Variants in TSGA13 observed in about 807,000 individuals in gnomAD.
TSGA13 encodes the protein testis specific 13, also known as testis-specific gene 13 protein.
TSGA13 carries 37 observed loss-of-function variants against 35.1 expected under a neutral mutation model. The observed-to-expected ratio is 1.05, with a 90% CI of 0.81 to 1.39. The LOEUF (loss-of-function observed/expected upper bound fraction) is 1.39, where lower values mean the gene tolerates loss of function less well. TSGA13 is among the 40% of genes most tolerant of loss of function. The probability of loss-of-function intolerance (pLI) is 0.00; values close to 1 mark genes in which losing one functional copy is unlikely to be tolerated. For synonymous variants in TSGA13, 124 were observed against 121.2 expected (o/e 1.02, Z -0.15); for missense variants, 338 against 328.5 (o/e 1.03, Z -0.22).
At position 130,668,918 on chromosome 7, in the gene TSGA13, G is replaced by T. The variant is rs1161964481; in HGVS notation, c.*96C>A. 4 of 1,497,042 alleles carry T rather than the reference G, an allele frequency of 2.7e-6. No individual in the cohort carries two copies. The highest frequency in any genetic ancestry group is 2.2e-5 in the Admixed American group (1 of 45,830). The allele number at this position is 1,497,042 out of a possible 1,614,324, so 92.7% of individuals were successfully genotyped here. On this transcript the variant is annotated 3_prime_UTR_variant, in exon 8 of 8. Coordinates refer to ENST00000356588, the MANE Select transcript of TSGA13 (RefSeq NM_052933.4). ...CCCGGCTTGCGACCCGGGAGCCCAC[G>T]CCCGCAGCAGCAGGAATGTGGTTTT... is the stretch of plus-strand genomic sequence containing the variant.
At chr7:130,682,592 A>G (rs1259511531) in intron 3 of TSGA13, among the ~76,000 whole-genome samples, 7 of 152,190 alleles carry the variant, frequency 4.6e-5, no homozygotes, top group African/African-American at 1.7e-4. Flanking sequence ...AGGAGGCAGT[A>G]TGGTAAGGTG....
chr7:130,681,169 T>C, intron 3 of TSGA13, 152 bp from the exon 4 acceptor site: 1 of 632,156 alleles, frequency 1.6e-6, no homozygotes, highest in Non-Finnish European at 2.7e-6. Flanking sequence ...TCAGATTTTG[T>C]ACTCTAGGTT....
At chr7:130,671,617 A>G in intron 7 of TSGA13, 44 bp downstream of exon 7, 1 of 1,519,764 alleles carries the variant, frequency 6.6e-7, no homozygotes, top group Non-Finnish European at 8.9e-7. Flanking sequence ...CTCCAGCCCA[A>G]ATCTCAGTCC....
At chr7:130,684,073 A>G (rs985778646) in intron 2 of TSGA13, among the ~76,000 whole-genome samples, 1 of 152,188 alleles carries the variant, frequency 6.6e-6, no homozygotes. Flanking sequence ...CTTCTTCCAC[A>G]TGGAAATTGC....
intron 3 of TSGA13, among the ~76,000 whole-genome samples, chr7:130,682,358 G>A (rs1242927884): frequency 6.6e-6 from 1 of 152,118 alleles, no homozygotes; most frequent in Non-Finnish European, 1.5e-5. Flanking sequence ...GACCTCCAGT[G>A]ATCCGCCCAC....
At chr7:130,684,473 T>C (rs1274034132) in intron 2 of TSGA13, among the ~76,000 whole-genome samples, 11 of 152,202 alleles carry the variant, frequency 7.2e-5, no homozygotes, top group African/African-American at 2.7e-4. Context: ...ATAGTTCCAT[T>C]GGGTGGTTAA....
chr7:130,680,040 G>A (rs1225909788), intron 4 of TSGA13, among the ~76,000 whole-genome samples: 1 of 152,154 alleles, frequency 6.6e-6, no homozygotes, highest in Admixed American at 6.6e-5. Context: ...CTCTCTCTAA[G>A]GTACGAGGGA....
intron 1 of TSGA13, 31 bp from the exon 2 acceptor site, chr7:130,685,391 T>C (rs1365122070): frequency 7.2e-7 from 1 of 1,381,890 alleles, no homozygotes; most frequent in African/African-American, 1.4e-5. Context: ...GACTGATAGG[T>C]GCTATTGTAG....
In TSGA13 at chr7:130,668,721, G is replaced by A. The variant is rs368717422; in HGVS notation, c.*293C>T. The A allele has an allele frequency of 2.1e-4, 309 of 1,501,862 alleles. 1 individual carries two copies. Among genetic ancestry groups the A allele is most frequent in the Middle Eastern group, 1.7e-4 (1 of 5,820 alleles). The allele number at this position is 1,501,862 out of a possible 1,614,324, so 93.0% of individuals were successfully genotyped here. On this transcript the variant is annotated 3_prime_UTR_variant, in exon 8 of 8. Coordinates refer to ENST00000356588, the MANE Select transcript of TSGA13 (RefSeq NM_052933.4). The stretch of plus-strand genomic sequence containing the variant: ...CACCGCAACCGTCCCAGGCGCCGCA[G>A]CCGGCGAGCGGAAGAGGCTGCAGGA...
chr7:130,671,400 T>A (rs1458932269), intron 7 of TSGA13, among the ~76,000 whole-genome samples: 2 of 152,178 alleles, frequency 1.3e-5, no homozygotes, highest in Non-Finnish European at 2.9e-5. Context: ...TACATCAATA[T>A]GGCAAAAACT....
rs117263673 is a variant in TSGA13 at position 130,683,361 on chromosome 7, T to C, written c.102+233A>G. On this transcript the variant is annotated intron_variant, in intron 3 of 7. Coordinates refer to ENST00000356588, the MANE Select transcript of TSGA13 (RefSeq NM_052933.4). ...TTTGACACGCTCTTACTCCCTAAGA[T>C]AGGTTTCTGCTTCCTGGGTTTTATG... 2.9e-3 allele frequency among the ~76,000 whole-genome samples: 441 copies of C among 152,358 alleles called. 1 individual carries two copies. The highest frequency in any genetic ancestry group is 5.0e-3 in the South Asian group (24 of 4,828).
At chr7:130,672,462 G>T (rs540486389) in intron 6 of TSGA13, among the ~76,000 whole-genome samples, 145 of 145,814 alleles carry the variant, frequency 9.9e-4, no homozygotes, top group African/African-American at 3.1e-3. Context: ...TGTATTGAGG[G>T]TACTTTTTTT....
At chr7:130,685,041 G>T in intron 2 of TSGA13, 147 bp downstream of exon 2, 1 of 874,748 alleles carries the variant, frequency 1.1e-6, no homozygotes, top group Non-Finnish European at 1.8e-6. Flanking sequence ...CCAAGATCCG[G>T]TTTTTGATCC....
intron 5 of TSGA13, among the ~76,000 whole-genome samples, chr7:130,677,443 G>C (rs1480587198): frequency 7.4e-6 from 1 of 135,844 alleles, no homozygotes; most frequent in Non-Finnish European, 1.6e-5. Context: ...TTTTTTTTTT[G>C]AGATAGAGTC....
At chr7:130,675,255 G>A (rs549878876) in intron 5 of TSGA13, among the ~76,000 whole-genome samples, 4 of 150,926 alleles carry the variant, frequency 2.7e-5, no homozygotes, top group Non-Finnish European at 5.9e-5. Flanking sequence ...ATATATATGG[G>A]TTTTTTTCTA....
intron 5 of TSGA13, among the ~76,000 whole-genome samples, chr7:130,674,900 T>TA (rs1280591329): frequency 1.3e-5 from 2 of 152,214 alleles, no homozygotes; most frequent in Non-Finnish European, 2.9e-5. Flanking sequence ...AAACTGCACT[T>TA]ACTTTTGTGT....
chr7:130,673,644 T>C (rs782405522), intron 5 of TSGA13, among the ~76,000 whole-genome samples: 17 of 152,228 alleles, frequency 1.1e-4, no homozygotes, highest in Non-Finnish European at 2.1e-4. Flanking sequence ...TGTTGAACTT[T>C]TTTTCATATG....
chr7:130,680,976 G>C lies in TSGA13; in HGVS notation c.144C>G (p.Asn48Lys). 6.2e-7 allele frequency: 1 copy of C among 1,614,158 alleles called. No individual in the cohort carries two copies. The highest frequency in any genetic ancestry group is 8.5e-7 in the Non-Finnish European group (1 of 1,180,014). ...TTGGATGGACTGTGTAATGCCGAAG[G>C]TTCTCTAGAACAAATTTTGATTGCC... ...AVGQSKFVLENLRHYTVHPNL... is the reference protein window; with the variant it reads ...AVGQSKFVLEKLRHYTVHPNL... The change falls in exon 4 of 8, where the codon AAC becomes AAG. Residue 48 changes from asparagine to lysine, a missense_variant. Physicochemically the swap from Asn to Lys is moderately conservative, Grantham distance 94 (BLOSUM62 0). Coordinates refer to ENST00000356588, the MANE Select transcript of TSGA13 (RefSeq NM_052933.4).
intron 7 of TSGA13, among the ~76,000 whole-genome samples, chr7:130,669,429 A>T (rs1292088277): frequency 6.6e-6 from 1 of 152,238 alleles, no homozygotes; most frequent in Non-Finnish European, 1.5e-5. Flanking sequence ...ATTTCTTTCA[A>T]TGATTCCATC....
Sources: gnomAD v4.1 joint callset for allele counts (sites outside exome capture counted in the v4.1 genomes callset) on GRCh38, gnomAD v4.1.1 for gene constraint, MANE v1.5 for transcripts, NCBI Gene and HGNC (gene_info 2026-07-23, HGNC 2026-07-21) for gene names.